The following AKAP7 variants were observed in gnomAD, a reference collection of about 807,000 sequenced individuals.
AKAP7 encodes A-kinase anchoring protein 7.
Under a neutral mutation model 39.5 loss-of-function variants are expected in AKAP7, and 39 were observed. That is an observed-to-expected ratio of 0.99 (90% CI 0.76 to 1.29). The LOEUF is 1.29. Among genes scored for constraint, AKAP7 ranks in the 50% most tolerant of loss-of-function variants. The pLI, the probability that AKAP7 is intolerant of heterozygous loss-of-function variation, is 0.00. For synonymous variants in AKAP7, 140 were observed against 139.1 expected, an observed-to-expected ratio of 1.01 and a Z score of -0.05; for missense variants, 414 against 407.7, an observed-to-expected ratio of 1.02 and a Z score of -0.13.
chr6:131,188,463 A>G, intron 5 of AKAP7, among the ~76,000 whole-genome samples: 1 of 152,216 alleles, frequency 6.6e-6, no homozygotes, highest in Admixed American at 6.5e-5. Flanking sequence ...ATAGTAGTAG[A>G]AAGTATCTTG....
intron 7 of AKAP7, among the ~76,000 whole-genome samples, chr6:131,247,344 G>A (rs181845643): frequency 3.0e-5 from 3 of 101,082 alleles, no homozygotes; most frequent in Non-Finnish European, 5.7e-5. Flanking sequence ...TTTTTTTTCC[G>A]AGATGGAGTC....
chr6:131,169,215 G>C lies in AKAP7; in HGVS notation c.531G>C (p.Gln177His). 1 of 1,614,114 alleles carries C rather than the reference G, an allele frequency of 6.2e-7. No homozygotes were observed. Among genetic ancestry groups the C allele is most frequent in the Non-Finnish European group, 8.5e-7 (1 of 1,179,998 alleles). Residue 177 changes from glutamine to histidine, a missense_variant, in exon 5 of 8, where the codon CAG becomes CAC. Physicochemically the swap from Gln to His is conservative, Grantham distance 24 (BLOSUM62 0). Coordinates refer to ENST00000431975, the MANE Select transcript of AKAP7 (RefSeq NM_016377.4). The part of the protein sequence containing the change: ...PFQGIGTFGN[Q>H]VGFVKLAEGD... The stretch of plus-strand genomic sequence containing the variant: ...AAGGGATTGGTACTTTTGGAAATCA[G>C]GTTGGATTTGTGAAGCTGGCAGAAG...
At chr6:131,214,835 TTAAAG>T (rs1399384180) in intron 6 of AKAP7, among the ~76,000 whole-genome samples, 8 of 152,232 alleles carry the variant, frequency 5.3e-5, no homozygotes, top group African/African-American at 1.9e-4. Context: ...TTTTAATATT[TTAAAG>T]TAAATAATGG....
chr6:131,169,159 C>T lies in AKAP7; in HGVS notation c.475C>T (p.Leu159Phe). 1.2e-6 allele frequency: 2 copies of T among 1,613,666 alleles called. No homozygotes were observed. The highest frequency in any genetic ancestry group is 1.7e-6 in the Non-Finnish European group (2 of 1,179,696). ...LELKPFIEELLQGKHLTLPFQ... is the reference protein window; with the variant it reads ...LELKPFIEELFQGKHLTLPFQ... ...ATTGAAACCATTCATAGAAGAACTC[C>T]TCCAGGGAAAACATTTGACTTTGCC... Residue 159 changes from leucine (L) to phenylalanine (F), a missense_variant, in exon 5 of 8, where the codon CTC (leucine) becomes TTC (phenylalanine). Coordinates refer to ENST00000431975, the MANE Select transcript of AKAP7 (RefSeq NM_016377.4).
At chr6:131,241,609 G>GTATATATACGTATATATATATA (rs1176516314) in intron 7 of AKAP7, among the ~76,000 whole-genome samples, 7 of 135,444 alleles carry the variant, frequency 5.2e-5, no homozygotes, top group Non-Finnish European at 8.1e-5. Context: ...GTGTGTGTGT[G>GTATATATACGTATATATATATA]TGTGTGTGTG....
intron 7 of AKAP7, among the ~76,000 whole-genome samples, chr6:131,233,660 C>G (rs1009260115): frequency 9.2e-5 from 14 of 152,068 alleles, no homozygotes; most frequent in Non-Finnish European, 2.1e-4. Context: ...TAGGAGTACA[C>G]TATTCTAGGC....
intron 5 of AKAP7, among the ~76,000 whole-genome samples, chr6:131,178,012 C>T (rs1019999846): frequency 1.3e-5 from 2 of 152,210 alleles, no homozygotes; most frequent in East Asian, 1.9e-4. Context: ...TATATCCTCA[C>T]GCAAAGGTCT....
chr6:131,195,058 ACTT>A (rs373876962), intron 5 of AKAP7, among the ~76,000 whole-genome samples: 72 of 151,608 alleles, frequency 4.7e-4, no homozygotes, highest in Admixed American at 2.6e-3. Flanking sequence ...ATTGATAAGG[ACTT>A]CTTCTTGCCA....
intron 1 of AKAP7, among the ~76,000 whole-genome samples, chr6:131,141,883 A>ATTTC (rs968175165): frequency 2.9e-4 from 43 of 147,826 alleles, no homozygotes; most frequent in East Asian, 1.2e-3. Flanking sequence ...GATAGAAGAA[A>ATTTC]TTTCTTTCTT....
intron 7 of AKAP7, among the ~76,000 whole-genome samples, chr6:131,241,200 G>A (rs549014776): frequency 6.6e-6 from 1 of 152,278 alleles, no homozygotes; most frequent in South Asian, 2.1e-4. Context: ...GCAGGAAACT[G>A]ATCAGCAAGA....
At chr6:131,144,088 A>C (rs1456979287) in intron 1 of AKAP7, among the ~76,000 whole-genome samples, 3 of 139,860 alleles carry the variant, frequency 2.1e-5, no homozygotes, top group East Asian at 2.0e-4. Context: ...ATAAGGTCAC[A>C]GATCAACAGG....
chr6:131,185,013 G>C, intron 5 of AKAP7: 1 of 756,954 alleles, frequency 1.3e-6, no homozygotes, highest in Non-Finnish European at 2.5e-6. Context: ...GAAGTCATCT[G>C]GTTCTAGGAT....
intron 7 of AKAP7, among the ~76,000 whole-genome samples, chr6:131,256,803 G>C (rs1360813199): frequency 6.6e-6 from 1 of 151,280 alleles, no homozygotes; most frequent in Non-Finnish European, 1.5e-5. Context: ...GCCTCCCAGA[G>C]TATTGGGATT....
intron 2 of AKAP7, among the ~76,000 whole-genome samples, chr6:131,149,375 C>G (rs559714167): frequency 6.6e-6 from 1 of 152,340 alleles, no homozygotes; most frequent in South Asian, 2.1e-4. Context: ...TGGCTCACAC[C>G]TGTAATCCCA....
chr6:131,253,522 C>T (rs1812606248), intron 7 of AKAP7, among the ~76,000 whole-genome samples: 1 of 152,108 alleles, frequency 6.6e-6, no homozygotes, highest in Non-Finnish European at 1.5e-5. Flanking sequence ...CTATAGTCAC[C>T]TTACTGTGCT....
intron 3 of AKAP7, among the ~76,000 whole-genome samples, chr6:131,161,383 G>C (rs1204235851): frequency 1.3e-5 from 2 of 151,962 alleles, no homozygotes; most frequent in African/African-American, 4.8e-5. Context: ...GGTGGCTCAT[G>C]CCTGTAATCC....
chr6:131,247,273 A>ATG (rs1367954537), intron 7 of AKAP7, among the ~76,000 whole-genome samples: 3 of 10,816 alleles, frequency 2.8e-4, no homozygotes, highest in Non-Finnish European at 3.3e-4. Context: ...TCATATGTAT[A>ATG]TATATATATA....
chr6:131,135,724 T>C lies in AKAP7; in HGVS notation c.-40T>C, dbSNP rs1003396086. 1.7e-6 allele frequency: 2 copies of C among 1,208,756 alleles called. No homozygotes were observed. Among genetic ancestry groups the C allele is most frequent in the African/African-American group, 3.2e-5 (2 of 62,988 alleles). The allele number at this position is 1,208,756 out of a possible 1,614,324, so 74.9% of individuals were successfully genotyped here. A position where few individuals can be genotyped will look rare whatever the true frequency, so the allele number is the denominator to read the frequency against. ...CCGGGACGCGGCCCGCCACCGCCGC[T>C]GCCGCCAGCCCAGACGCGCCGCCCG... On this transcript the variant is annotated 5_prime_UTR_variant, in exon 1 of 8. Coordinates refer to ENST00000431975, the MANE Select transcript of AKAP7 (RefSeq NM_016377.4).
Position 131,181,700 on chromosome 6 carries a change from T to C in AKAP7, c.589+12427T>C, listed in dbSNP as rs568130786. On this transcript the variant is annotated intron_variant, in intron 5 of 7. Coordinates refer to ENST00000431975, the MANE Select transcript of AKAP7 (RefSeq NM_016377.4). ...CATGCTGCACCCATTGTTTAAGATATGCTGAACTACTTAGAGGTCCCCTGA... is the reference window on the plus strand; with the variant it reads ...CATGCTGCACCCATTGTTTAAGATACGCTGAACTACTTAGAGGTCCCCTGA... Among the ~76,000 whole-genome samples the C allele has an allele frequency of 5.3e-5, 8 of 152,320 alleles. No individual in the cohort carries two copies. The East Asian group carries it at 9.6e-4, about 18-fold the overall frequency.
Sources: allele counts gnomAD v4.1 joint callset (sites outside exome capture counted in the v4.1 genomes callset), GRCh38; gene constraint gnomAD v4.1.1; transcripts MANE v1.5; gene names NCBI Gene and HGNC (gene_info 2026-07-23, HGNC 2026-07-21).